SOS1: variants seen among roughly 807,000 people sequenced by gnomAD.
SOS1 encodes the protein son of sevenless homolog 1.
In SOS1, 25 loss-of-function variants were observed where a neutral mutation model predicts 157.6. The ratio of observed to expected loss-of-function variants is 0.16; its 90% confidence interval spans 0.12 to 0.22. The LOEUF (loss-of-function observed/expected upper bound fraction) is 0.22, where lower values mean the gene tolerates loss of function less well. SOS1 is among the 10% of genes least tolerant of loss of function. The pLI is 1.00. For synonymous variants in SOS1, 528 were observed against 534.0 expected, an observed-to-expected ratio of 0.99 and a Z score of 0.16; for missense variants, 1,237 against 1,599.1, an observed-to-expected ratio of 0.77 and a Z score of 3.86.
intron 14 of SOS1, among the ~76,000 whole-genome samples, 196 bp downstream of exon 14, chr2:39,011,930 G>A (rs1669486737): frequency 6.6e-6 from 1 of 152,160 alleles, no homozygotes; most frequent in South Asian, 2.1e-4. Context: ...AACACAGAAA[G>A]ACAGAAGGTG....
chr2:39,109,818 T>C (rs1299468675), intron 1 of SOS1, among the ~76,000 whole-genome samples: 2 of 152,128 alleles, frequency 1.3e-5, no homozygotes, highest in African/African-American at 4.8e-5. Flanking sequence ...AGGAACTCAA[T>C]AAAATACTAT....
At chr2:38,987,967 T>G (rs902699067) in intron 21 of SOS1, among the ~76,000 whole-genome samples, 1 of 152,190 alleles carries the variant, frequency 6.6e-6, no homozygotes, top group African/African-American at 2.4e-5. Flanking sequence ...GTTCATTTTT[T>G]TCTTTGACTT....
chr2:39,067,669 T>C lies in SOS1; in HGVS notation c.172A>G (p.Met58Val), dbSNP rs2148140531. Residue 58 changes from methionine (M) to valine (V), a missense_variant, in exon 2 of 23, where the codon ATG (methionine) becomes GTG (valine). Met to Val is a conservative substitution (Grantham distance 21, BLOSUM62 1). Coordinates refer to ENST00000402219, the MANE Select transcript of SOS1 (RefSeq NM_005633.4). Reference protein sequence around the residue: ...VEELILQLLNMLCQAQPRSAS... With the variant: ...VEELILQLLNVLCQAQPRSAS... The stretch of plus-strand genomic sequence containing the variant: ...CTTCGGGGCTGAGCTTGGCATAGCA[T>C]ATTTAATAATTGCAAAATTAATTCT... The C allele has an allele frequency of 3.1e-6, 5 of 1,613,248 alleles. No homozygotes were observed. Among genetic ancestry groups the C allele is most frequent in the Non-Finnish European group, 4.2e-6 (5 of 1,179,184 alleles).
At position 38,989,256 on chromosome 2, in the gene SOS1, C is replaced by G. The variant is rs746948756; in HGVS notation, c.3391+14G>C. The G allele has an allele frequency of 4.4e-6, 7 of 1,573,460 alleles. No homozygotes were observed. The highest frequency in any genetic ancestry group is 6.1e-6 in the Non-Finnish European group (7 of 1,143,468). On this transcript the variant is annotated intron_variant, in intron 21 of 22. Transcript: ENST00000402219. ...CAAAGCAAGAATTATGAGTCTTAAACCAAATATACTAACTTGGGCCATGGG... is the reference window on the plus strand; with the variant it reads ...CAAAGCAAGAATTATGAGTCTTAAAGCAAATATACTAACTTGGGCCATGGG...
chr2:39,020,970 CA>C (rs149709420), intron 10 of SOS1, among the ~76,000 whole-genome samples: 6,644 of 151,676 alleles, frequency 0.044, 186 homozygotes, highest in Middle Eastern at 0.071. Context: ...TTTTTAAAAA[CA>C]TTTTTTTTAA....
At position 38,989,301 on chromosome 2, in the gene SOS1, G is replaced by A; in HGVS notation, c.3360C>T (p.Val1120=). The change falls in exon 21 of 23, where the codon GTC becomes GTT. Residue 1120 remains valine (V), a synonymous_variant. Coordinates refer to ENST00000402219, the MANE Select transcript of SOS1 (RefSeq NM_005633.4). ...CATGGGGCAGAGTAACTTGGATAAA[G>A]ACGGTATCATTGCCTGTGAAAGGAA... ...SSPFHSSNDT[V]FIQVTLPHGP... The A allele has an allele frequency of 6.2e-7, 1 of 1,606,884 alleles. No individual in the cohort carries two copies. The highest frequency in any genetic ancestry group is 8.5e-7 in the Non-Finnish European group (1 of 1,173,750).
chr2:39,050,577 C>T lies in SOS1; in HGVS notation c.864+567G>A, dbSNP rs529205595. On this transcript the variant is annotated intron_variant, in intron 6 of 22. Transcript: ENST00000402219. ...TGTATTATACCTACTGCTTCAGCAC[C>T]CCAAGTCTGAAAATCCCAAATCTGA... Among the ~76,000 whole-genome samples, 10 of 152,142 alleles carry T rather than the reference C, an allele frequency of 6.6e-5. No individual in the cohort carries two copies. In the South Asian group the frequency reaches 2.1e-3, roughly 32 times the overall value.
intron 3 of SOS1, among the ~76,000 whole-genome samples, chr2:39,057,374 C>T (rs1024290083): frequency 6.6e-6 from 1 of 152,080 alleles, no homozygotes; most frequent in Admixed American, 6.6e-5. Context: ...AAATAAAATT[C>T]ATGTTATGTC....
chr2:39,011,042 C>A (rs1341139056), intron 14 of SOS1, among the ~76,000 whole-genome samples: 1 of 151,656 alleles, frequency 6.6e-6, no homozygotes, highest in African/African-American at 2.4e-5. Context: ...ATTACAGGCG[C>A]CCGTCATCAT....
At position 39,071,652 on chromosome 2, in the gene SOS1, C is replaced by T. The variant is rs1172085909; in HGVS notation, c.88-3899G>A. 2.6e-5 allele frequency among the ~76,000 whole-genome samples: 4 copies of T among 152,268 alleles called. No homozygotes were observed. In the South Asian group the frequency reaches 6.2e-4, roughly 24 times the overall value. ...CAGGCCTTTGAAGAAGGGGTCTAGA[C>T]ATTCGAAAAGATGTTTTAGAAAGTA... On this transcript the variant is annotated intron_variant, in intron 1 of 22. Transcript: ENST00000402219.
At chr2:39,025,310 C>G (rs895995680) in intron 8 of SOS1, among the ~76,000 whole-genome samples, 1 of 151,966 alleles carries the variant, frequency 6.6e-6, no homozygotes, top group African/African-American at 2.4e-5. Context: ...ACTTGAGATA[C>G]ACAATCATGA....
At chr2:39,061,673 C>G (rs1170193399) in intron 2 of SOS1, among the ~76,000 whole-genome samples, 1 of 152,150 alleles carries the variant, frequency 6.6e-6, no homozygotes, top group Admixed American at 6.5e-5. Context: ...CACACATGAG[C>G]CACTGCATTC....
intron 2 of SOS1, among the ~76,000 whole-genome samples, chr2:39,064,206 A>AG (rs1041344040): frequency 6.6e-5 from 10 of 152,346 alleles, no homozygotes; most frequent in African/African-American, 2.4e-4. Flanking sequence ...GATGATGCTT[A>AG]GAAGTACATA....
At chr2:39,014,447 T>C (rs919955465) in intron 11 of SOS1, among the ~76,000 whole-genome samples, 2 of 152,114 alleles carry the variant, frequency 1.3e-5, no homozygotes, top group Non-Finnish European at 2.9e-5. Context: ...ACATGAAGTA[T>C]GTTTGAAAAC....
chr2:39,087,622 C>G (rs1283934941), intron 1 of SOS1, among the ~76,000 whole-genome samples: 1 of 152,210 alleles, frequency 6.6e-6, no homozygotes, highest in East Asian at 1.9e-4. Flanking sequence ...GCAATTATCA[C>G]CACCAGAGGA....
At chr2:39,010,296 A>T (rs1465007518) in intron 15 of SOS1, among the ~76,000 whole-genome samples, 1 of 151,316 alleles carries the variant, frequency 6.6e-6, no homozygotes. Context: ...AGCCTGGGCA[A>T]CAGAGCCAGA....
At chr2:39,021,142 G>T (rs1669781852) in intron 10 of SOS1, among the ~76,000 whole-genome samples, 1 of 151,548 alleles carries the variant, frequency 6.6e-6, no homozygotes, top group African/African-American at 2.4e-5. Flanking sequence ...GTATCAGACA[G>T]AAATAACTAA....
At chr2:39,101,857 A>AT (rs1418187837) in intron 1 of SOS1, among the ~76,000 whole-genome samples, 1 of 152,084 alleles carries the variant, frequency 6.6e-6, no homozygotes, top group Non-Finnish European at 1.5e-5. Context: ...AGAAAAAATC[A>AT]TTTTTTATGA....
At chr2:39,039,757 T>A (rs1298584195) in intron 6 of SOS1, among the ~76,000 whole-genome samples, 2 of 152,206 alleles carry the variant, frequency 1.3e-5, no homozygotes, top group African/African-American at 2.4e-5. Context: ...ACCATCATAA[T>A]CTATTTTGGA....
Sources: gnomAD v4.1 joint callset for allele counts (sites outside exome capture counted in the v4.1 genomes callset) on GRCh38, gnomAD v4.1.1 for gene constraint, MANE v1.5 for transcripts, NCBI Gene and HGNC (gene_info 2026-07-23, HGNC 2026-07-21) for gene names.